The following FIGN variants were observed in gnomAD, a reference collection of about 807,000 sequenced individuals.
FIGN encodes the protein fidgetin, microtubule severing factor, also known as fidgetin.
In FIGN, 11 loss-of-function variants were observed where a neutral mutation model predicts 51.3. The ratio of observed to expected loss-of-function variants is 0.21; its 90% confidence interval spans 0.13 to 0.35. The LOEUF (loss-of-function observed/expected upper bound fraction) is 0.35, where lower values mean the gene tolerates loss of function less well. Ranked by LOEUF, FIGN falls within the 10% of genes least tolerant of loss-of-function variation. The pLI is 1.00. For missense variants in FIGN, 857 were observed against 943.6 expected (o/e 0.91, Z 1.20); for synonymous variants, 407 against 363.2 (o/e 1.12, Z -1.37).
At chr2:163,730,584 C>T (rs1399246019) in intron 2 of FIGN, among the ~76,000 whole-genome samples, 1 of 151,370 alleles carries the variant, frequency 6.6e-6, no homozygotes, top group Admixed American at 6.6e-5. Context: ...TAAGTGGTAC[C>T]CCCAAATAAT....
At chr2:163,720,824 A>T (rs112803014) in intron 2 of FIGN, among the ~76,000 whole-genome samples, 241 of 152,330 alleles carry the variant, frequency 1.6e-3, no homozygotes, top group African/African-American at 5.5e-3. Flanking sequence ...GTACCTATGT[A>T]GTTGTATTGG....
At chr2:163,670,361 C>T (rs1464720658) in intron 2 of FIGN, among the ~76,000 whole-genome samples, 1 of 152,202 alleles carries the variant, frequency 6.6e-6, no homozygotes, top group East Asian at 1.9e-4. Context: ...AAACAAGTAC[C>T]TTAACAGTGC....
chr2:163,707,022 A>G (rs186674443), intron 2 of FIGN, among the ~76,000 whole-genome samples: 2 of 152,306 alleles, frequency 1.3e-5, no homozygotes, highest in Admixed American at 1.3e-4. Flanking sequence ...TAACATCAAT[A>G]AAATTGTACA....
At chr2:163,655,216 A>G (rs1573929332) in intron 2 of FIGN, among the ~76,000 whole-genome samples, 1 of 152,184 alleles carries the variant, frequency 6.6e-6, no homozygotes, top group East Asian at 1.9e-4. Flanking sequence ...TTTTGGAAGC[A>G]GTTCATATGC....
chr2:163,717,623 A>G (rs1684690128), intron 2 of FIGN, among the ~76,000 whole-genome samples: 1 of 152,106 alleles, frequency 6.6e-6, no homozygotes. Flanking sequence ...TAAGGGTGAT[A>G]TCATAGTTGT....
intron 2 of FIGN, among the ~76,000 whole-genome samples, chr2:163,722,017 C>T (rs1007049142): frequency 6.6e-6 from 1 of 152,150 alleles, no homozygotes; most frequent in Admixed American, 6.5e-5. Context: ...TACTGTAATG[C>T]TATTTATTGT....
rs1691118410 is a variant in FIGN, at chr2:163,606,641, A to G, written c.*2911T>C. On this transcript the variant is annotated 3_prime_UTR_variant, in exon 3 of 3. Transcript: ENST00000333129. ...CCAAGTTCCAGAATAGATGGTCAGA[A>G]TAGAGCTCATTATTAAGCTAGTTTA... 6.6e-6 allele frequency: 1 copy of G among 152,286 alleles called. No homozygotes were observed. The allele number at this position is 152,286 out of a possible 1,614,324, so 9.4% of individuals were successfully genotyped here. A position where few individuals can be genotyped will look rare whatever the true frequency, so the allele number is the denominator to read the frequency against.
chr2:163,702,418 C>A (rs1330650686), intron 2 of FIGN, among the ~76,000 whole-genome samples: 1 of 152,100 alleles, frequency 6.6e-6, no homozygotes, highest in East Asian at 1.9e-4. Context: ...TTCCAAAGCA[C>A]CACATAACCA....
chr2:163,688,117 A>G (rs74890695), intron 2 of FIGN, among the ~76,000 whole-genome samples: 6,807 of 152,308 alleles, frequency 0.045, 182 homozygotes, highest in African/African-American at 0.063. Context: ...ATACATGTAT[A>G]TATACGGCAT....
At position 163,633,050 on chromosome 2, in the gene FIGN, C is replaced by T. The variant is rs1385628055; in HGVS notation, c.26-21244G>A. ...CCTTTTAAAATTCGCCAGGTGTGGTCGTGTGCACCTATGGTCCCAGCTACT... is the reference window on the plus strand; with the variant it reads ...CCTTTTAAAATTCGCCAGGTGTGGTTGTGTGCACCTATGGTCCCAGCTACT... On this transcript the variant is annotated intron_variant, in intron 2 of 2. Coordinates refer to ENST00000333129, the MANE Select transcript of FIGN (RefSeq NM_018086.4). Among the ~76,000 whole-genome samples the T allele has an allele frequency of 5.3e-5, 8 of 151,918 alleles. 1 individual carries two copies. The East Asian group carries it at 5.8e-4, about 11-fold the overall frequency.
chr2:163,694,347 T>C (rs1684284456), intron 2 of FIGN, among the ~76,000 whole-genome samples: 1 of 152,194 alleles, frequency 6.6e-6, no homozygotes, highest in Non-Finnish European at 1.5e-5. Flanking sequence ...ATGTGTACTA[T>C]AACCTCCTCT....
intron 2 of FIGN, among the ~76,000 whole-genome samples, chr2:163,693,191 A>G (rs1384811373): frequency 6.6e-6 from 1 of 152,124 alleles, no homozygotes; most frequent in Non-Finnish European, 1.5e-5. Flanking sequence ...CAGATTCCAC[A>G]ACTGGCATAG....
chr2:163,703,294 C>T (rs1684439168), intron 2 of FIGN, among the ~76,000 whole-genome samples: 1 of 152,002 alleles, frequency 6.6e-6, no homozygotes. Context: ...AATGATACTG[C>T]TGGGCAACTG....
intron 2 of FIGN, among the ~76,000 whole-genome samples, chr2:163,622,887 G>A (rs2105306428): frequency 6.6e-6 from 1 of 152,226 alleles, no homozygotes; most frequent in Admixed American, 6.5e-5. Context: ...TGAACTACCA[G>A]ATAATTTAAA....
At chr2:163,699,393 C>T (rs1684372665) in intron 2 of FIGN, among the ~76,000 whole-genome samples, 2 of 152,078 alleles carry the variant, frequency 1.3e-5, no homozygotes, top group South Asian at 4.1e-4. Flanking sequence ...ATGTTCAAAA[C>T]CACACAGCTA....
At chr2:163,625,274 A>C (rs1035436670) in intron 2 of FIGN, among the ~76,000 whole-genome samples, 7 of 152,092 alleles carry the variant, frequency 4.6e-5, no homozygotes, top group African/African-American at 1.7e-4. Context: ...TTAAGAGGAA[A>C]AATGGCATTT....
intron 2 of FIGN, among the ~76,000 whole-genome samples, chr2:163,669,320 T>C (rs1193427099): frequency 6.6e-6 from 1 of 152,112 alleles, no homozygotes; most frequent in East Asian, 1.9e-4. Context: ...CAAGTGATCC[T>C]CCTGGCTCAT....
At chr2:163,650,861 G>C (rs1683462110) in intron 2 of FIGN, among the ~76,000 whole-genome samples, 1 of 152,114 alleles carries the variant, frequency 6.6e-6, no homozygotes, top group African/African-American at 2.4e-5. Context: ...TTTCATGTTT[G>C]AGGTAGCTAA....
chr2:163,676,479 A>ATC (rs1683971658), intron 2 of FIGN, among the ~76,000 whole-genome samples: 3 of 87,192 alleles, frequency 3.4e-5, no homozygotes, highest in Admixed American at 2.4e-4. Context: ...ATATATATAT[A>ATC]TATAACTAGA....
Sources: allele counts gnomAD v4.1 joint callset (sites outside exome capture counted in the v4.1 genomes callset), GRCh38; gene constraint gnomAD v4.1.1; transcripts MANE v1.5; gene names NCBI Gene and HGNC (gene_info 2026-07-23, HGNC 2026-07-21).